ARHGEF28: variants seen among roughly 807,000 people sequenced by gnomAD.
The protein encoded by ARHGEF28 is 190 kDa guanine nucleotide exchange factor.
Under a neutral mutation model 206.6 loss-of-function variants are expected in ARHGEF28, and 152 were observed. The ratio of observed to expected loss-of-function variants is 0.74; its 90% CI spans 0.64 to 0.84. The LOEUF (loss-of-function observed/expected upper bound fraction) is 0.84. Among genes scored for constraint, ARHGEF28 ranks in the 40% least tolerant of loss-of-function variants. ARHGEF28 has a pLI of 0.00. For synonymous variants in ARHGEF28, 763 were observed against 776.4 expected (o/e 0.98, Z 0.29); for missense variants, 2,028 against 2,073.2 (o/e 0.98, Z 0.42).
chr5:73,760,526 G>A (rs1752548068), intron 4 of ARHGEF28, among the ~76,000 whole-genome samples: 2 of 152,230 alleles, frequency 1.3e-5, no homozygotes, highest in African/African-American at 4.8e-5. Context: ...TGTTGCTAAG[G>A]CAACCCACTG....
chr5:73,753,324 C>G, intron 4 of ARHGEF28, 122 bp downstream of exon 4: 1 of 1,109,978 alleles, frequency 9.0e-7, no homozygotes, highest in Non-Finnish European at 1.2e-6. Context: ...GAACCTTGCT[C>G]TGATGTGGAG....
At chr5:73,911,224 C>T in intron 34 of ARHGEF28, 51 bp from the exon 35 acceptor site, 2 of 1,455,494 alleles carry the variant, frequency 1.4e-6, no homozygotes, top group South Asian at 2.8e-5. Flanking sequence ...CTTTATGAAA[C>T]TTGTATAAGT....
chr5:73,879,770 G>C (rs1190343157), intron 22 of ARHGEF28, among the ~76,000 whole-genome samples: 1 of 152,188 alleles, frequency 6.6e-6, no homozygotes, highest in African/African-American at 2.4e-5. Context: ...GCTGCTGTCT[G>C]ATAGTTCCTC....
At chr5:73,647,590 C>G (rs926128302) in intron 1 of ARHGEF28, among the ~76,000 whole-genome samples, 16 of 152,218 alleles carry the variant, frequency 1.1e-4, no homozygotes, top group Admixed American at 5.2e-4. Context: ...GTATTTTTAA[C>G]CTACTATATC....
intron 2 of ARHGEF28, among the ~76,000 whole-genome samples, chr5:73,745,698 G>T (rs190827070): frequency 6.6e-6 from 1 of 152,098 alleles, no homozygotes; most frequent in East Asian, 1.9e-4. Flanking sequence ...TTTTATGGGA[G>T]TACTGATGAG....
chr5:73,873,117 C>A lies in ARHGEF28; in HGVS notation c.2685C>A (p.Pro895=). Residue 895 remains proline (P), a synonymous_variant, in exon 22 of 36, where the codon CCC becomes CCA. Coordinates refer to ENST00000513042, the MANE Select transcript of ARHGEF28 (RefSeq NM_001177693.2). Reference sequence around the variant, plus strand: ...ACAGCACCGTGGATAAAATTTTCCCCTGTTTAGATGAGTTGCTTGAAATCC... The same window carrying A: ...ACAGCACCGTGGATAAAATTTTCCCATGTTTAGATGAGTTGCTTGAAATCC... ...LDHSTVDKIF[P]CLDELLEIHR... 1.2e-6 allele frequency: 2 copies of A among 1,613,014 alleles called. No homozygotes were observed. The highest frequency in any genetic ancestry group is 3.3e-5 in the Admixed American group (2 of 59,852).
intron 18 of ARHGEF28, among the ~76,000 whole-genome samples, chr5:73,867,401 T>G (rs974791810): frequency 1.1e-4 from 17 of 152,212 alleles, no homozygotes; most frequent in African/African-American, 4.1e-4. Context: ...CAGGCTTCAT[T>G]TGCCTGAGAT....
chr5:73,747,404 T>C (rs2112390638), intron 2 of ARHGEF28, among the ~76,000 whole-genome samples: 1 of 152,360 alleles, frequency 6.6e-6, no homozygotes, highest in East Asian at 1.9e-4. Flanking sequence ...CACCTGTGGT[T>C]GGCTATTTAA....
At chr5:73,717,364 G>A (rs1455724776) in intron 2 of ARHGEF28, among the ~76,000 whole-genome samples, 2 of 152,038 alleles carry the variant, frequency 1.3e-5, no homozygotes, top group Non-Finnish European at 2.9e-5. Flanking sequence ...CAGTTGGATG[G>A]TTACCCTCCT....
chr5:73,820,782 G>A (rs181090596), intron 9 of ARHGEF28, among the ~76,000 whole-genome samples: 4 of 152,248 alleles, frequency 2.6e-5, no homozygotes, highest in African/African-American at 4.8e-5. Context: ...AGAGGGCTTC[G>A]GGATTTATGG....
chr5:73,752,517 T>C (rs897242103), intron 3 of ARHGEF28, among the ~76,000 whole-genome samples: 1 of 152,140 alleles, frequency 6.6e-6, no homozygotes, highest in Non-Finnish European at 1.5e-5. Context: ...CTTAAATATG[T>C]AAAAATATGT....
intron 9 of ARHGEF28, among the ~76,000 whole-genome samples, chr5:73,808,618 T>C (rs1755651874): frequency 1.3e-5 from 2 of 152,224 alleles, no homozygotes; most frequent in African/African-American, 4.8e-5. Flanking sequence ...AAGTTAAGGC[T>C]GCATATGATG....
chr5:73,707,435 C>G (rs928769268), intron 2 of ARHGEF28, among the ~76,000 whole-genome samples: 3 of 152,166 alleles, frequency 2.0e-5, no homozygotes. Context: ...AAATGGCATT[C>G]CTATCTCAGT....
chr5:73,910,074 T>G (rs1762800657), intron 34 of ARHGEF28, among the ~76,000 whole-genome samples, 177 bp downstream of exon 34: 1 of 152,072 alleles, frequency 6.6e-6, no homozygotes, highest in African/African-American at 2.4e-5. Flanking sequence ...GCATATCCAT[T>G]TTGACTTAAA....
intron 35 of ARHGEF28, among the ~76,000 whole-genome samples, chr5:73,914,141 C>G (rs530019157): frequency 6.6e-6 from 1 of 152,242 alleles, no homozygotes; most frequent in East Asian, 1.9e-4. Context: ...TACCCCCACC[C>G]CTGCCACCAG....
At chr5:73,851,534 C>T (rs1285225865) in intron 13 of ARHGEF28, among the ~76,000 whole-genome samples, 1 of 151,860 alleles carries the variant, frequency 6.6e-6, no homozygotes. Flanking sequence ...AGGAACATTG[C>T]CAATATTAAA....
intron 16 of ARHGEF28, among the ~76,000 whole-genome samples, chr5:73,859,949 G>A (rs1465155150): frequency 6.6e-6 from 1 of 152,144 alleles, no homozygotes; most frequent in East Asian, 1.9e-4. Flanking sequence ...TGTGCATACT[G>A]CTTAACAGAA....
At chr5:73,940,738 C>A in intron 35 of ARHGEF28, 106 bp from the exon 36 acceptor site, 1 of 1,051,160 alleles carries the variant, frequency 9.5e-7, no homozygotes, top group Non-Finnish European at 1.2e-6. Flanking sequence ...CTGTGGCTGA[C>A]TATATGGGCA....
At chr5:73,881,554 G>A (rs1432041694) in intron 22 of ARHGEF28, among the ~76,000 whole-genome samples, 2 of 152,104 alleles carry the variant, frequency 1.3e-5, no homozygotes, top group Non-Finnish European at 2.9e-5. Flanking sequence ...ATTGTAAGTG[G>A]TTTAAGAATT....
Sources: gnomAD v4.1 joint callset for allele counts (sites outside exome capture counted in the v4.1 genomes callset) on GRCh38, gnomAD v4.1.1 for gene constraint, MANE v1.5 for transcripts, NCBI Gene and HGNC (gene_info 2026-07-23, HGNC 2026-07-21) for gene names.